The following TASP1 variants were observed in gnomAD, a reference collection of about 807,000 sequenced individuals.
The protein encoded by TASP1 is taspase 1, also known as threonine aspartase 1.
A neutral mutation model predicts 56.6 loss-of-function variants in TASP1; 16 were observed. That is an observed-to-expected ratio of 0.28 (90% CI 0.19 to 0.43). TASP1 has a LOEUF of 0.43. Ranked by LOEUF, TASP1 falls within the 20% of genes least tolerant of loss-of-function variation. TASP1 has a pLI of 1.00. For synonymous variants in TASP1, 179 were observed against 184.2 expected, an observed-to-expected ratio of 0.97 and a Z score of 0.23; for missense variants, 393 against 511.6, an observed-to-expected ratio of 0.77 and a Z score of 2.24.
chr20:13,385,024 T>A (rs1331748088), downstream of TASP1, among the ~76,000 whole-genome samples: 1 of 152,200 alleles, frequency 6.6e-6, no homozygotes, highest in Non-Finnish European at 1.5e-5. Flanking sequence ...CCTTAAACAT[T>A]TAGTTTTAAG....
chr20:13,158,380 T>G, the TASP1 span, among the ~76,000 whole-genome samples: 10 of 152,146 alleles, frequency 6.6e-5, no homozygotes, highest in Admixed American at 2.0e-4. Context: ...CAGGTTAGAC[T>G]AATGAATCAA....
chr20:13,459,867 C>T (rs2043987864), intron 11 of TASP1, among the ~76,000 whole-genome samples: 1 of 152,094 alleles, frequency 6.6e-6, no homozygotes, highest in Non-Finnish European at 1.5e-5. Flanking sequence ...TTCACCTCTG[C>T]CCGAACACAC....
chr20:13,543,745 T>G (rs538921468), intron 8 of TASP1, among the ~76,000 whole-genome samples: 16 of 152,316 alleles, frequency 1.1e-4, no homozygotes, highest in Non-Finnish European at 1.8e-4. Flanking sequence ...TTGCCCCTCA[T>G]GCATCTATAA....
the TASP1 span, among the ~76,000 whole-genome samples, chr20:13,276,531 G>A: frequency 2.0e-5 from 3 of 152,292 alleles, no homozygotes; most frequent in South Asian, 6.2e-4. Flanking sequence ...TTGAACTTGA[G>A]GCTTTTGAAA....
the TASP1 span, among the ~76,000 whole-genome samples, chr20:13,294,188 AT>A: frequency 2.6e-5 from 4 of 152,154 alleles, no homozygotes; most frequent in Non-Finnish European, 5.9e-5. Flanking sequence ...TTATATCTTA[AT>A]TTTTTAAATG....
At chr20:13,480,595 G>A (rs566909222) in intron 11 of TASP1, among the ~76,000 whole-genome samples, 41 of 152,234 alleles carry the variant, frequency 2.7e-4, no homozygotes, top group African/African-American at 8.4e-4. Flanking sequence ...GATCAACTCC[G>A]TGAACAGTTT....
intron 9 of TASP1, among the ~76,000 whole-genome samples, chr20:13,529,282 T>G (rs766488420): frequency 3.9e-5 from 6 of 152,224 alleles, no homozygotes; most frequent in Non-Finnish European, 8.8e-5. Flanking sequence ...ATTCCTATTT[T>G]GTTTTTAATA....
chr20:13,349,722 A>C, the TASP1 span, among the ~76,000 whole-genome samples: 2 of 152,232 alleles, frequency 1.3e-5, no homozygotes, highest in African/African-American at 4.8e-5. Flanking sequence ...CAAGAAATCT[A>C]CAAAAAAGCA....
At chr20:13,207,591 C>T in the TASP1 span, among the ~76,000 whole-genome samples, 2 of 152,188 alleles carry the variant, frequency 1.3e-5, no homozygotes, top group African/African-American at 2.4e-5. Flanking sequence ...TGATGGTGTA[C>T]GTCCCAGTTA....
At chr20:13,128,206 G>A in the TASP1 span, among the ~76,000 whole-genome samples, 11 of 152,282 alleles carry the variant, frequency 7.2e-5, no homozygotes, top group South Asian at 4.1e-4. Context: ...TGTTTCTGAG[G>A]TGATCGACAA....
At chr20:13,514,991 C>A (rs1232706942) in intron 10 of TASP1, among the ~76,000 whole-genome samples, 1 of 151,940 alleles carries the variant, frequency 6.6e-6, no homozygotes, top group African/African-American at 2.4e-5. Flanking sequence ...ATCTTTTTGC[C>A]CAAATTAACC....
the TASP1 span, among the ~76,000 whole-genome samples, chr20:13,225,012 A>ATT: frequency 0.068 from 9,324 of 137,592 alleles, 386 homozygotes; most frequent in Non-Finnish European, 0.099. Flanking sequence ...CGCCCGGCTA[A>ATT]TTTTTTTTTT....
chr20:13,465,761 T>C (rs906394667), intron 11 of TASP1, among the ~76,000 whole-genome samples: 2 of 143,796 alleles, frequency 1.4e-5, no homozygotes, highest in South Asian at 2.2e-4. Flanking sequence ...AATGATTCCA[T>C]CTATATAACA....
chr20:13,212,147 G>A, the TASP1 span, among the ~76,000 whole-genome samples: 1 of 152,086 alleles, frequency 6.6e-6, no homozygotes, highest in Admixed American at 6.5e-5. Context: ...TCTTGCAGTT[G>A]GGTGGGGTCG....
chr20:13,476,143 C>T (rs6042153), intron 11 of TASP1, among the ~76,000 whole-genome samples: 68,597 of 151,956 alleles, frequency 0.45, 15,622 homozygotes, highest in Non-Finnish European at 0.47. Context: ...AACAAACAAA[C>T]AAATAAATAA....
At chr20:13,620,546 A>AAATATGTTTATGTATTGTTT (rs2048677185) in intron 4 of TASP1, among the ~76,000 whole-genome samples, 1 of 152,192 alleles carries the variant, frequency 6.6e-6, no homozygotes, top group African/African-American at 2.4e-5. Context: ...GCAAGTTTTT[A>AAATATGTTTATGTATTGTTT]AAATATGTTT....
chr20:13,599,121 A>G (rs2047858418), intron 4 of TASP1, among the ~76,000 whole-genome samples: 1 of 152,202 alleles, frequency 6.6e-6, no homozygotes, highest in East Asian at 1.9e-4. Flanking sequence ...ACAATGTGGC[A>G]ATTCCTCAAG....
intron 5 of TASP1, among the ~76,000 whole-genome samples, chr20:13,586,237 T>G (rs2147249669): frequency 6.7e-6 from 1 of 148,636 alleles, no homozygotes; most frequent in African/African-American, 2.5e-5. Flanking sequence ...TAAAATAATA[T>G]TCACTGAAGC....
At chr20:13,622,578 T>C (rs1401940435) in intron 4 of TASP1, among the ~76,000 whole-genome samples, 1 of 152,142 alleles carries the variant, frequency 6.6e-6, no homozygotes, top group South Asian at 2.1e-4. Context: ...GGTAAACACC[T>C]GGGCAATTTT....
Sources: gnomAD v4.1 joint callset for allele counts (sites outside exome capture counted in the v4.1 genomes callset) on GRCh38, gnomAD v4.1.1 for gene constraint, MANE v1.5 for transcripts, NCBI Gene and HGNC (gene_info 2026-07-23, HGNC 2026-07-21) for gene names.